The following TAF13 variants were observed in gnomAD, a reference collection of about 807,000 sequenced individuals.
TAF13 encodes TATA-box binding protein associated factor 13.
A neutral mutation model predicts 18.7 loss-of-function variants in TAF13; 9 were observed. The ratio of observed to expected loss-of-function variants is 0.48; its 90% confidence interval spans 0.29 to 0.84. The LOEUF (loss-of-function observed/expected upper bound fraction) is 0.84, where lower values mean the gene tolerates loss of function less well. TAF13 is among the 40% of genes least tolerant of loss of function. The probability of loss-of-function intolerance (pLI) is 0.08; values close to 1 mark genes in which losing one functional copy is unlikely to be tolerated. For missense variants in TAF13, 105 were observed against 146.5 expected (o/e 0.72, Z 1.46); for synonymous variants, 49 against 44.1 (o/e 1.11, Z -0.44).
intron 2 of TAF13, among the ~76,000 whole-genome samples, chr1:109,074,112 G>A (rs1036486139): frequency 6.6e-6 from 1 of 152,238 alleles, no homozygotes; most frequent in Admixed American, 6.5e-5. Context: ...CCATGATGAC[G>A]ATGGCGGTTT....
intron 2 of TAF13, among the ~76,000 whole-genome samples, chr1:109,067,678 AT>A (rs1265210785): frequency 6.6e-6 from 1 of 152,190 alleles, no homozygotes; most frequent in Non-Finnish European, 1.5e-5. Context: ...ATACAGACAA[AT>A]AAAAATAACT....
chr1:109,073,480 G>T (rs1487814129), intron 2 of TAF13, among the ~76,000 whole-genome samples: 4 of 152,176 alleles, frequency 2.6e-5, no homozygotes, highest in African/African-American at 4.8e-5. Flanking sequence ...AGCGATCTGG[G>T]ATCGTTGCAG....
At chr1:109,068,145 T>G (rs921494979) in intron 2 of TAF13, among the ~76,000 whole-genome samples, 6 of 151,706 alleles carry the variant, frequency 4.0e-5, no homozygotes, top group South Asian at 4.2e-4. Context: ...ATATGTGGGG[T>G]TTTTTTTGAA....
At chr1:109,075,343 G>A (rs924988330) in intron 1 of TAF13, among the ~76,000 whole-genome samples, 3 of 152,118 alleles carry the variant, frequency 2.0e-5, no homozygotes, top group African/African-American at 7.2e-5. Context: ...AAACAACTAA[G>A]GTGGCCTATT....
At chr1:109,072,958 C>G (rs2102111705) in intron 2 of TAF13, among the ~76,000 whole-genome samples, 1 of 151,766 alleles carries the variant, frequency 6.6e-6, no homozygotes, top group South Asian at 2.1e-4. Context: ...GTCTCGAACT[C>G]CTGACCTCCA....
chr1:109,075,239 C>T (rs2102113837), intron 1 of TAF13, among the ~76,000 whole-genome samples, 174 bp from the exon 2 acceptor site: 1 of 151,624 alleles, frequency 6.6e-6, no homozygotes, highest in East Asian at 1.9e-4. Flanking sequence ...AGTCCAACTT[C>T]CAACTCATGC....
At chr1:109,068,051 T>C (rs1418589399) in intron 2 of TAF13, among the ~76,000 whole-genome samples, 2 of 152,196 alleles carry the variant, frequency 1.3e-5, no homozygotes, top group African/African-American at 4.8e-5. Flanking sequence ...TGGAGTGGTG[T>C]TGCAGTACAG....
intron 1 of TAF13, 116 bp from the exon 2 acceptor site, chr1:109,075,181 CAAA>C: frequency 1.6e-6 from 1 of 626,564 alleles, no homozygotes; most frequent in Non-Finnish European, 2.5e-6. Flanking sequence ...AAGGAAGCAG[CAAA>C]AAAAAAAACC....
intron 2 of TAF13, among the ~76,000 whole-genome samples, chr1:109,071,093 T>G (rs1021125488): frequency 6.6e-6 from 1 of 151,940 alleles, no homozygotes; most frequent in African/African-American, 2.4e-5. Flanking sequence ...GCCTAGGAGT[T>G]TGAGACCAGT....
At chr1:109,068,500 TCTAA>T (rs1194067186) in intron 2 of TAF13, among the ~76,000 whole-genome samples, 3 of 152,066 alleles carry the variant, frequency 2.0e-5, no homozygotes, top group Non-Finnish European at 4.4e-5. Context: ...TGAACTGGTT[TCTAA>T]CTATTTATTT....
At chr1:109,074,300 A>T (rs533795586) in intron 2 of TAF13, among the ~76,000 whole-genome samples, 15 of 152,218 alleles carry the variant, frequency 9.9e-5, no homozygotes, top group African/African-American at 3.4e-4. Context: ...TCTCTGAAAC[A>T]TGTGCTGTGT....
At chr1:109,075,863 G>C (rs1298574041) in intron 1 of TAF13, 58 bp downstream of exon 1, 23 of 1,611,808 alleles carry the variant, frequency 1.4e-5, no homozygotes, top group Non-Finnish European at 1.9e-5. Flanking sequence ...CTCTGCCTCC[G>C]CTACTGAGCC....
intron 2 of TAF13, among the ~76,000 whole-genome samples, chr1:109,070,362 G>A (rs1267978204): frequency 5.9e-5 from 9 of 152,098 alleles, no homozygotes; most frequent in Admixed American, 5.9e-4. Flanking sequence ...GGGACTACAG[G>A]TGCAGGCCAC....
At chr1:109,070,844 C>A (rs1562225) in intron 2 of TAF13, among the ~76,000 whole-genome samples, 70,101 of 152,064 alleles carry the variant, frequency 0.46, 17,050 homozygotes, top group Non-Finnish European at 0.53. Flanking sequence ...TTGCTAACAA[C>A]CGACTGAACA....
chr1:109,074,957 A>G (rs185571999), intron 2 of TAF13, 30 bp downstream of exon 2: 19 of 1,549,688 alleles, frequency 1.2e-5, no homozygotes, highest in African/African-American at 5.5e-5. Flanking sequence ...TTCATCATCT[A>G]TAACAAAATC....
chr1:109,067,669 T>A (rs1663975969), intron 2 of TAF13, among the ~76,000 whole-genome samples: 1 of 152,124 alleles, frequency 6.6e-6, no homozygotes, highest in East Asian at 1.9e-4. Context: ...AGAAGTCTAA[T>A]ACAGACAAAT....
Position 109,064,180 on chromosome 1 carries a change from A to AAAAAAAAAC in TAF13, c.*342_*343insGTTTTTTTT. 1 of 154,178 alleles carries AAAAAAAAAC rather than the reference A, an allele frequency of 6.5e-6. No individual in the cohort carries two copies. Among genetic ancestry groups the AAAAAAAAAC allele is most frequent in the Non-Finnish European group, 1.4e-5 (1 of 70,234 alleles). The allele number at this position is 154,178 out of a possible 1,614,324, so 9.6% of individuals were successfully genotyped here. A position where few individuals can be genotyped will look rare whatever the true frequency, so the allele number is the denominator to read the frequency against. On this transcript the variant is annotated 3_prime_UTR_variant, in exon 4 of 4. Coordinates refer to ENST00000338366, the MANE Select transcript of TAF13 (RefSeq NM_005645.4). The stretch of plus-strand genomic sequence containing the variant: ...TCAAAAAAAAAAAAAAAAAAAAAAA[A>AAAAAAAAAC]AGCTACAGTATAGCTTACAAGGGCA...
At chr1:109,065,704 C>T (rs1009962797) in intron 3 of TAF13, among the ~76,000 whole-genome samples, 2 of 152,068 alleles carry the variant, frequency 1.3e-5, no homozygotes, top group African/African-American at 4.8e-5. Flanking sequence ...TGGCGGATCA[C>T]CTGAGGTTGG....
At chr1:109,072,123 T>C (rs867919760) in intron 2 of TAF13, among the ~76,000 whole-genome samples, 17 of 118,428 alleles carry the variant, frequency 1.4e-4, no homozygotes, top group African/African-American at 4.5e-4. Context: ...TATACACACA[T>C]ATATATATAT....
Sources: allele counts gnomAD v4.1 joint callset (sites outside exome capture counted in the v4.1 genomes callset), GRCh38; gene constraint gnomAD v4.1.1; transcripts MANE v1.5; gene names NCBI Gene and HGNC (gene_info 2026-07-23, HGNC 2026-07-21).